Variants in CSMD1 observed in about 807,000 individuals in gnomAD.
CSMD1 encodes the protein CUB and Sushi multiple domains 1.
A neutral mutation model predicts 417.5 loss-of-function variants in CSMD1; 213 were observed. The observed-to-expected ratio is 0.51, with a 90% CI of 0.46 to 0.57. CSMD1 has a LOEUF of 0.57. CSMD1 is among the 20% of genes least tolerant of loss of function. The probability of loss-of-function intolerance (pLI) is 0.00; values close to 1 mark genes in which losing one functional copy is unlikely to be tolerated. For synonymous variants in CSMD1, 2,862 were observed against 1,736.8 expected, an observed-to-expected ratio of 1.65 and a Z score of -16.11; for missense variants, 6,923 against 4,529.7, an observed-to-expected ratio of 1.53 and a Z score of -15.17.
intron 4 of CSMD1, among the ~76,000 whole-genome samples, chr8:4,006,709 G>C (rs990680650): frequency 3.3e-5 from 5 of 151,808 alleles, no homozygotes; most frequent in African/African-American, 9.7e-5. Flanking sequence ...CAGAATATCT[G>C]ATTTCTATAA....
chr8:3,865,771 C>G (rs1182097009), intron 5 of CSMD1, among the ~76,000 whole-genome samples: 1 of 152,030 alleles, frequency 6.6e-6, no homozygotes. Context: ...GCTAGGTTTC[C>G]GTCATATTTC....
chr8:4,360,280 T>C (rs1378401300), intron 3 of CSMD1, among the ~76,000 whole-genome samples: 1 of 152,170 alleles, frequency 6.6e-6, no homozygotes, highest in Non-Finnish European at 1.5e-5. Context: ...AATTTGCTTT[T>C]ACTTAATAGT....
intron 3 of CSMD1, among the ~76,000 whole-genome samples, chr8:4,392,006 A>G (rs1002009926): frequency 1.3e-5 from 2 of 152,112 alleles, no homozygotes; most frequent in African/African-American, 4.8e-5. Flanking sequence ...CATCAATCCT[A>G]AACTTGTGAG....
At chr8:4,710,004 A>C (rs1378888075) in intron 1 of CSMD1, among the ~76,000 whole-genome samples, 1 of 152,238 alleles carries the variant, frequency 6.6e-6, no homozygotes, top group African/African-American at 2.4e-5. Context: ...TAATTAAATA[A>C]AAATATCACT....
At chr8:3,668,456 G>A (rs938035306) in intron 7 of CSMD1, among the ~76,000 whole-genome samples, 5 of 152,122 alleles carry the variant, frequency 3.3e-5, no homozygotes, top group African/African-American at 1.2e-4. Context: ...TTATTCAGGT[G>A]GAGAGATGAT....
At chr8:3,770,936 C>T (rs965405007) in intron 5 of CSMD1, among the ~76,000 whole-genome samples, 18 of 152,098 alleles carry the variant, frequency 1.2e-4, no homozygotes, top group African/African-American at 3.9e-4. Context: ...GGTGAATCTC[C>T]GAATTCAATA....
At chr8:4,310,269 T>G (rs1322496807) in intron 3 of CSMD1, among the ~76,000 whole-genome samples, 1 of 152,152 alleles carries the variant, frequency 6.6e-6, no homozygotes, top group African/African-American at 2.4e-5. Context: ...GTTAGAACTG[T>G]TATCATGGCT....
intron 10 of CSMD1, among the ~76,000 whole-genome samples, chr8:3,540,015 G>C (rs1486805004): frequency 6.6e-6 from 1 of 152,050 alleles, no homozygotes; most frequent in Non-Finnish European, 1.5e-5. Context: ...AGTAAAACAG[G>C]GCTGCTTCTG....
At chr8:3,343,234 A>G in intron 23 of CSMD1, 60 bp downstream of exon 23, 1 of 1,413,036 alleles carries the variant, frequency 7.1e-7, no homozygotes, top group Non-Finnish European at 9.9e-7. Context: ...ATATAAGCCA[A>G]GTATCAGATA....
At chr8:3,314,498 TTAAA>T (rs1805599811) in intron 23 of CSMD1, among the ~76,000 whole-genome samples, 1 of 152,170 alleles carries the variant, frequency 6.6e-6, no homozygotes, top group South Asian at 2.1e-4. Context: ...TCTAGAAACT[TTAAA>T]AAAGACTAAA....
intron 5 of CSMD1, among the ~76,000 whole-genome samples, chr8:3,891,351 G>A (rs560872369): frequency 6.6e-6 from 1 of 152,060 alleles, no homozygotes; most frequent in Non-Finnish European, 1.5e-5. Flanking sequence ...CGCCTATCCT[G>A]AGCAGGTTCT....
chr8:3,848,630 A>G (rs1308800635), intron 5 of CSMD1, among the ~76,000 whole-genome samples: 1 of 152,208 alleles, frequency 6.6e-6, no homozygotes, highest in African/African-American at 2.4e-5. Flanking sequence ...AGTGCAGAGA[A>G]TAGATGGAAT....
intron 12 of CSMD1, among the ~76,000 whole-genome samples, chr8:3,457,567 G>C (rs140519338): frequency 6.6e-6 from 1 of 152,074 alleles, no homozygotes; most frequent in Admixed American, 6.6e-5. Context: ...ATATGTACGC[G>C]GTTTAAAAAA....
chr8:4,128,732 T>A (rs1009881629), intron 3 of CSMD1, among the ~76,000 whole-genome samples: 1 of 152,142 alleles, frequency 6.6e-6, no homozygotes, highest in Non-Finnish European at 1.5e-5. Flanking sequence ...TGGATACTTA[T>A]ACTTTCATCC....
At chr8:4,037,745 G>C (rs192505003) in intron 3 of CSMD1, among the ~76,000 whole-genome samples, 312 of 152,218 alleles carry the variant, frequency 2.0e-3, no homozygotes, top group South Asian at 7.0e-3. Flanking sequence ...GACTCTATCA[G>C]ATTTTACTGC....
At chr8:4,128,519 T>A (rs1802899699) in intron 3 of CSMD1, among the ~76,000 whole-genome samples, 1 of 152,186 alleles carries the variant, frequency 6.6e-6, no homozygotes, top group Non-Finnish European at 1.5e-5. Context: ...CATTGCTTAC[T>A]CAAACCCCCT....
chr8:3,522,943 A>T (rs1479390339), intron 10 of CSMD1, among the ~76,000 whole-genome samples: 1 of 150,814 alleles, frequency 6.6e-6, no homozygotes, highest in African/African-American at 2.4e-5. Context: ...ATATATTGAC[A>T]AATATTTAAA....
chr8:4,195,152 C>A (rs1188252859), intron 3 of CSMD1, among the ~76,000 whole-genome samples: 1 of 152,172 alleles, frequency 6.6e-6, no homozygotes, highest in African/African-American at 2.4e-5. Context: ...GATGACAGTT[C>A]TATCCAGAAC....
At chr8:4,900,703 A>G (rs558364023) in intron 1 of CSMD1, among the ~76,000 whole-genome samples, 1 of 152,290 alleles carries the variant, frequency 6.6e-6, no homozygotes, top group South Asian at 2.1e-4. Flanking sequence ...GGGGCTTAGA[A>G]AATCTGCTTC....
Sources: allele counts gnomAD v4.1 joint callset (sites outside exome capture counted in the v4.1 genomes callset), GRCh38; gene constraint gnomAD v4.1.1; transcripts MANE v1.5; gene names NCBI Gene and HGNC (gene_info 2026-07-23, HGNC 2026-07-21).